Variants in TUSC3 observed in about 807,000 individuals in gnomAD.
The protein encoded by TUSC3 is tumor suppressor candidate 3.
Under a neutral mutation model 44.8 loss-of-function variants are expected in TUSC3, and 45 were observed. That is an observed-to-expected ratio of 1.00 (90% confidence interval 0.79 to 1.29). TUSC3 has a LOEUF of 1.29. Among genes scored for constraint, TUSC3 ranks in the 50% most tolerant of loss-of-function variants. The pLI is 0.00. For missense variants in TUSC3, 519 were observed against 437.9 expected, an observed-to-expected ratio of 1.19 and a Z score of -1.65; for synonymous variants, 212 against 152.9, an observed-to-expected ratio of 1.39 and a Z score of -2.85.
chr8:15,829,840 GT>G, the TUSC3 span, among the ~76,000 whole-genome samples: 1 of 152,082 alleles, frequency 6.6e-6, no homozygotes, highest in Non-Finnish European at 1.5e-5. Flanking sequence ...GGGTCTAATA[GT>G]TTTAATTTTA....
At chr8:15,815,081 A>G in the TUSC3 span, among the ~76,000 whole-genome samples, 1 of 152,200 alleles carries the variant, frequency 6.6e-6, no homozygotes, top group Non-Finnish European at 1.5e-5. Context: ...GTATATAAGT[A>G]ATGAGATATA....
At chr8:15,659,999 G>A (rs1216008988) in intron 4 of TUSC3, among the ~76,000 whole-genome samples, 1 of 151,948 alleles carries the variant, frequency 6.6e-6, no homozygotes, top group Non-Finnish European at 1.5e-5. Flanking sequence ...AAACAGAAAA[G>A]GTTAATACCC....
chr8:15,588,483 C>T (rs1468784268), intron 1 of TUSC3, among the ~76,000 whole-genome samples: 1 of 152,080 alleles, frequency 6.6e-6, no homozygotes, highest in Non-Finnish European at 1.5e-5. Context: ...GAATAGTTTG[C>T]AAGTATTTTC....
intron 1 of TUSC3, among the ~76,000 whole-genome samples, chr8:15,590,590 TG>T (rs1320107745): frequency 5.3e-5 from 8 of 152,060 alleles, no homozygotes; most frequent in Non-Finnish European, 7.4e-5. Context: ...CACTCTGCCA[TG>T]TTGCTCTATG....
At chr8:15,485,411 T>A (rs578110245) in intron 2 of TUSC3, among the ~76,000 whole-genome samples, 35 of 152,146 alleles carry the variant, frequency 2.3e-4, no homozygotes, top group Non-Finnish European at 4.0e-4. Flanking sequence ...ATGGGTTTTG[T>A]AAAATATAAC....
intron 9 of TUSC3, among the ~76,000 whole-genome samples, chr8:15,753,407 T>A (rs565423199): frequency 6.6e-5 from 10 of 152,084 alleles, no homozygotes; most frequent in Non-Finnish European, 1.2e-4. Context: ...TGATCATTCA[T>A]ACGTGAATTA....
the TUSC3 span, among the ~76,000 whole-genome samples, chr8:15,815,051 ATAAG>A: frequency 1.3e-5 from 2 of 152,204 alleles, no homozygotes; most frequent in African/African-American, 4.8e-5. Flanking sequence ...GTAACGAGAT[ATAAG>A]TAATGAGACA....
intron 2 of TUSC3, among the ~76,000 whole-genome samples, chr8:15,530,519 A>G (rs1421170940): frequency 6.6e-6 from 1 of 152,166 alleles, no homozygotes; most frequent in Non-Finnish European, 1.5e-5. Flanking sequence ...GAGCACAGAG[A>G]TGTGAAATAA....
the TUSC3 span, among the ~76,000 whole-genome samples, chr8:15,791,243 G>A: frequency 6.6e-6 from 1 of 151,324 alleles, no homozygotes; most frequent in Non-Finnish European, 1.5e-5. Context: ...AAGATAATAG[G>A]CAAACTGGGC....
intron 2 of TUSC3, among the ~76,000 whole-genome samples, chr8:15,649,131 T>C (rs942059798): frequency 6.6e-6 from 1 of 152,208 alleles, no homozygotes; most frequent in African/African-American, 2.4e-5. Context: ...TCCATTTTCA[T>C]GTTTTCTGAT....
intron 2 of TUSC3, among the ~76,000 whole-genome samples, chr8:15,517,057 A>T (rs896294178): frequency 5.3e-5 from 8 of 152,148 alleles, no homozygotes; most frequent in African/African-American, 1.7e-4. Flanking sequence ...TTGTGCCTTT[A>T]TACCCATGAC....
At chr8:15,506,915 C>T (rs867081350) in intron 2 of TUSC3, among the ~76,000 whole-genome samples, 1 of 152,324 alleles carries the variant, frequency 6.6e-6, no homozygotes, top group East Asian at 1.9e-4. Context: ...TGCTGCATTT[C>T]CTGTCTTGGT....
At chr8:15,529,585 A>G (rs1801424415) in intron 2 of TUSC3, among the ~76,000 whole-genome samples, 1 of 152,090 alleles carries the variant, frequency 6.6e-6, no homozygotes, top group Non-Finnish European at 1.5e-5. Context: ...TAAATAGCCA[A>G]CTGTTTGAAA....
chr8:15,615,179 A>T (rs1286710191), intron 1 of TUSC3, among the ~76,000 whole-genome samples: 2 of 152,220 alleles, frequency 1.3e-5, no homozygotes, highest in Non-Finnish European at 2.9e-5. Flanking sequence ...TTGAAGCATT[A>T]TTCACAATAC....
Position 15,743,537 on chromosome 8 carries a change from G to T in TUSC3, c.863-1G>T. 1.9e-6 allele frequency: 3 copies of T among 1,613,898 alleles called. No homozygotes were observed. The highest frequency in any genetic ancestry group is 2.5e-6 in the Non-Finnish European group (3 of 1,179,848). On this transcript the variant is annotated splice_acceptor_variant, in intron 7 of 10. Coordinates refer to ENST00000503731, the MANE Select transcript of TUSC3 (RefSeq NM_006765.4). LOFTEE classifies it high-confidence loss of function. ...TACGGCTTCCTTGACAACTACTGCA[G>T]ATGCCGCTATCACCATGGGGATGGT...
chr8:15,690,464 G>A (rs1344880118), intron 6 of TUSC3, among the ~76,000 whole-genome samples: 2 of 151,940 alleles, frequency 1.3e-5, no homozygotes, highest in Non-Finnish European at 2.9e-5. Flanking sequence ...TGTTTATGCT[G>A]TTGATAACTT....
chr8:15,574,074 G>A (rs1232993629), intron 1 of TUSC3, among the ~76,000 whole-genome samples: 1 of 151,972 alleles, frequency 6.6e-6, no homozygotes, highest in Admixed American at 6.6e-5. Flanking sequence ...TATTGTCTTG[G>A]ATGGACCTAA....
chr8:15,498,106 C>T (rs1585066441), intron 2 of TUSC3, among the ~76,000 whole-genome samples: 1 of 152,018 alleles, frequency 6.6e-6, no homozygotes, highest in East Asian at 1.9e-4. Context: ...CTGATGATGA[C>T]CTATCAAAAA....
intron 2 of TUSC3, among the ~76,000 whole-genome samples, chr8:15,632,006 C>T (rs982460184): frequency 6.6e-6 from 1 of 152,206 alleles, no homozygotes; most frequent in Non-Finnish European, 1.5e-5. Context: ...CGTACCCGGC[C>T]AAGGCTATTC....
Sources: allele counts gnomAD v4.1 joint callset (sites outside exome capture counted in the v4.1 genomes callset), GRCh38; gene constraint gnomAD v4.1.1; transcripts MANE v1.5; gene names NCBI Gene and HGNC (gene_info 2026-07-23, HGNC 2026-07-21).